Variants in NRG3 observed in about 807,000 individuals in gnomAD.
NRG3 encodes the protein pro-neuregulin-3, membrane-bound isoform.
Under a neutral mutation model 66.9 loss-of-function variants are expected in NRG3, and 31 were observed. The observed-to-expected ratio is 0.46, with a 90% confidence interval of 0.35 to 0.63. The LOEUF (loss-of-function observed/expected upper bound fraction) is 0.63. Among genes scored for constraint, NRG3 ranks in the 20% least tolerant of loss-of-function variants. NRG3 has a pLI of 0.00. For missense variants in NRG3, 910 were observed against 878.9 expected, an observed-to-expected ratio of 1.04 and a Z score of -0.45; for synonymous variants, 393 against 359.4, an observed-to-expected ratio of 1.09 and a Z score of -1.06.
chr10:82,505,868 A>C (rs1844619688), intron 2 of NRG3, among the ~76,000 whole-genome samples: 1 of 152,182 alleles, frequency 6.6e-6, no homozygotes, highest in South Asian at 2.1e-4. Context: ...AATTTATACT[A>C]TCTCCTAACA....
chr10:82,801,777 C>T (rs994865492), intron 3 of NRG3, among the ~76,000 whole-genome samples: 1 of 152,166 alleles, frequency 6.6e-6, no homozygotes, highest in Non-Finnish European at 1.5e-5. Context: ...TGGATATATT[C>T]ACTTGCCCCT....
chr10:81,941,808 G>A (rs552914413), intron 1 of NRG3, among the ~76,000 whole-genome samples: 3 of 151,956 alleles, frequency 2.0e-5, no homozygotes, highest in Non-Finnish European at 4.4e-5. Context: ...GACATACTGT[G>A]GGTCAAACTT....
chr10:82,426,725 C>A (rs2089474545), intron 2 of NRG3, among the ~76,000 whole-genome samples: 1 of 151,460 alleles, frequency 6.6e-6, no homozygotes, highest in Non-Finnish European at 1.5e-5. Context: ...CCTTTGCCTC[C>A]TGGGCTTAAG....
At chr10:82,053,430 A>T (rs12763735) in intron 1 of NRG3, among the ~76,000 whole-genome samples, 6 of 152,024 alleles carry the variant, frequency 3.9e-5, no homozygotes, top group Non-Finnish European at 4.4e-5. Context: ...CTGGAAGATA[A>T]GAGCAGAAAG....
intron 1 of NRG3, among the ~76,000 whole-genome samples, chr10:82,098,054 T>TATATACAC (rs757078526): frequency 6.8e-6 from 1 of 146,802 alleles, no homozygotes; most frequent in African/African-American, 2.5e-5. Flanking sequence ...GCCACATATA[T>TATATACAC]ACACACACAC....
At chr10:82,690,442 A>G (rs2054839546) in intron 2 of NRG3, among the ~76,000 whole-genome samples, 1 of 152,184 alleles carries the variant, frequency 6.6e-6, no homozygotes, top group African/African-American at 2.4e-5. Context: ...TGCAGGCAGG[A>G]GTGGAGAGTG....
chr10:82,691,670 T>C (rs1184049230), intron 2 of NRG3, among the ~76,000 whole-genome samples: 2 of 152,194 alleles, frequency 1.3e-5, no homozygotes, highest in Non-Finnish European at 1.5e-5. Flanking sequence ...TTTCCAAACA[T>C]AAGAAACTGG....
At chr10:82,274,213 C>T (rs1481546100) in intron 1 of NRG3, among the ~76,000 whole-genome samples, 2 of 151,958 alleles carry the variant, frequency 1.3e-5, no homozygotes, top group African/African-American at 4.8e-5. Flanking sequence ...AGAACACTGA[C>T]AAATTTTCTG....
rs77130299 is a variant in NRG3, at chr10:82,173,847, C to T, written c.824-184892C>T. Among the ~76,000 whole-genome samples, 174 of 152,212 alleles carry T rather than the reference C, an allele frequency of 1.1e-3. 3 individuals carry two copies. In the East Asian group the frequency reaches 0.021, roughly 19 times the overall value. On this transcript the variant is annotated intron_variant, in intron 1 of 8. Transcript: ENST00000372141. Reference sequence around the variant, plus strand: ...CACTCATTCATGTAGCCACGGCCTCCTGACCTCTGGTTAGCTATGTTTTCA... The same window carrying T: ...CACTCATTCATGTAGCCACGGCCTCTTGACCTCTGGTTAGCTATGTTTTCA...
chr10:82,219,816 G>A (rs933999225), intron 1 of NRG3, among the ~76,000 whole-genome samples: 1 of 151,928 alleles, frequency 6.6e-6, no homozygotes, highest in South Asian at 2.1e-4. Context: ...ATAGTTCTAC[G>A]TGAATAAAAA....
chr10:82,601,106 G>A (rs2047598651), intron 2 of NRG3, among the ~76,000 whole-genome samples: 1 of 152,144 alleles, frequency 6.6e-6, no homozygotes, highest in African/African-American at 2.4e-5. Context: ...CATCCATGTT[G>A]CTGCAAAAGA....
chr10:82,708,329 G>C (rs1461942969), intron 2 of NRG3, among the ~76,000 whole-genome samples: 2 of 151,984 alleles, frequency 1.3e-5, no homozygotes, highest in South Asian at 4.2e-4. Context: ...TGTATTTTAG[G>C]TGCAGGAGGT....
At chr10:82,824,758 C>G (rs901666469) in intron 3 of NRG3, among the ~76,000 whole-genome samples, 8 of 151,284 alleles carry the variant, frequency 5.3e-5, no homozygotes, top group Admixed American at 4.6e-4. Flanking sequence ...ACTCTGTCAC[C>G]CAGGCTTTAG....
chr10:82,697,827 A>G (rs2055516298), intron 2 of NRG3, among the ~76,000 whole-genome samples: 1 of 152,098 alleles, frequency 6.6e-6, no homozygotes, highest in Non-Finnish European at 1.5e-5. Flanking sequence ...AGTCATTAGG[A>G]ATGTGTCACT....
chr10:82,825,246 C>T, intron 3 of NRG3, among the ~76,000 whole-genome samples: 1 of 152,024 alleles, frequency 6.6e-6, no homozygotes, highest in African/African-American at 2.4e-5. Context: ...ATTGCCTAAC[C>T]CAAGGTCATG....
At chr10:82,949,236 A>G (rs1299285863) in intron 4 of NRG3, among the ~76,000 whole-genome samples, 1 of 152,118 alleles carries the variant, frequency 6.6e-6, no homozygotes, top group African/African-American at 2.4e-5. Flanking sequence ...AACCTTACTT[A>G]GTCATGATGC....
At chr10:82,342,299 T>G (rs2082724971) in intron 1 of NRG3, among the ~76,000 whole-genome samples, 1 of 152,086 alleles carries the variant, frequency 6.6e-6, no homozygotes, top group South Asian at 2.1e-4. Flanking sequence ...GTGGGATTAC[T>G]GGATCAAATG....
chr10:82,516,414 G>A (rs1055000146), intron 2 of NRG3, among the ~76,000 whole-genome samples: 7 of 152,094 alleles, frequency 4.6e-5, no homozygotes, highest in Admixed American at 3.9e-4. Flanking sequence ...GGTTGGTGGA[G>A]TAATAAGGGG....
intron 1 of NRG3, among the ~76,000 whole-genome samples, chr10:82,057,290 TGTTA>T (rs1301828032): frequency 1.4e-5 from 2 of 140,996 alleles, no homozygotes; most frequent in East Asian, 4.2e-4. Context: ...TGTATAATTT[TGTTA>T]GTTCTTTTTT....
Sources: gnomAD v4.1 joint callset for allele counts (sites outside exome capture counted in the v4.1 genomes callset) on GRCh38, gnomAD v4.1.1 for gene constraint, MANE v1.5 for transcripts, NCBI Gene and HGNC (gene_info 2026-07-23, HGNC 2026-07-21) for gene names.